Variants in ADGRL2 observed in about 807,000 individuals in gnomAD.
ADGRL2 encodes adhesion G protein-coupled receptor L2.
ADGRL2 carries 44 observed loss-of-function variants against 157.4 expected under a neutral mutation model. The ratio of observed to expected loss-of-function variants is 0.28; its 90% CI spans 0.22 to 0.36. ADGRL2 has a LOEUF of 0.36. Ranked by LOEUF, ADGRL2 falls within the 10% of genes least tolerant of loss-of-function variation. ADGRL2 has a pLI of 1.00. For missense variants in ADGRL2, 1,510 were observed against 1,768.9 expected, an observed-to-expected ratio of 0.85 and a Z score of 2.63; for synonymous variants, 585 against 624.7, an observed-to-expected ratio of 0.94 and a Z score of 0.95.
Position 81,853,958 on chromosome 1 carries a change from C to T in ADGRL2, c.73+16901C>T, listed in dbSNP as rs1250469021. 2.6e-5 allele frequency among the ~76,000 whole-genome samples: 4 copies of T among 152,060 alleles called. No homozygotes were observed. The East Asian group carries it at 5.8e-4, about 22-fold the overall frequency. ...TTTCTTGAAATTTAATAAGTTGGAT[C>T]ACAGAATTATCCTTTAATTCTGTTA... On this transcript the variant is annotated intron_variant, in intron 2 of 23. Coordinates refer to ENST00000686636, the MANE Select transcript of ADGRL2 (RefSeq NM_001366006.2).
intron 1 of ADGRL2, among the ~76,000 whole-genome samples, chr1:81,746,924 G>GTA (rs2085273195): frequency 6.9e-6 from 1 of 143,974 alleles, no homozygotes; most frequent in Non-Finnish European, 1.5e-5. Flanking sequence ...ACGTATATAC[G>GTA]TATATACACA....
intron 2 of ADGRL2, among the ~76,000 whole-genome samples, chr1:81,765,165 G>A (rs61775263): frequency 0.14 from 21,658 of 151,770 alleles, 1,820 homozygotes; most frequent in South Asian, 0.21. Context: ...CCTAAAGAGC[G>A]GGGAGCCAAA....
At chr1:81,537,722 G>A (rs904456168) in intron 2 of ADGRL2, among the ~76,000 whole-genome samples, 4 of 143,546 alleles carry the variant, frequency 2.8e-5, no homozygotes, top group African/African-American at 1.0e-4. Flanking sequence ...TTTTTTAGAT[G>A]GAGTTTCACT....
intron 1 of ADGRL2, among the ~76,000 whole-genome samples, chr1:81,425,023 G>A (rs1157237165): frequency 6.6e-6 from 1 of 152,170 alleles, no homozygotes; most frequent in Non-Finnish European, 1.5e-5. Flanking sequence ...CTAATACTCT[G>A]TTTCTGGGAA....
At chr1:81,669,420 A>G (rs1298184069) in intron 3 of ADGRL2, among the ~76,000 whole-genome samples, 4 of 152,094 alleles carry the variant, frequency 2.6e-5, no homozygotes, top group Admixed American at 6.5e-5. Flanking sequence ...CTCCATCTCT[A>G]AAAACAAAGA....
chr1:81,308,078 A>T (rs1008955817), intron 1 of ADGRL2, among the ~76,000 whole-genome samples: 1 of 152,172 alleles, frequency 6.6e-6, no homozygotes, highest in African/African-American at 2.4e-5. Flanking sequence ...AACCGAAAAA[A>T]AAAAGGTATA....
intron 2 of ADGRL2, among the ~76,000 whole-genome samples, chr1:81,451,858 T>G (rs548792184): frequency 1.3e-5 from 2 of 152,212 alleles, no homozygotes; most frequent in Non-Finnish European, 2.9e-5. Flanking sequence ...AATATATGAA[T>G]ATTACATTAT....
In ADGRL2 at chr1:81,881,798, C is replaced by A. The variant is rs115268061; in HGVS notation, c.74-25219C>A. Among the ~76,000 whole-genome samples, 717 of 152,248 alleles carry A rather than the reference C, an allele frequency of 4.7e-3. 4 individuals carry two copies. The highest frequency in any genetic ancestry group is 6.3e-3 in the Non-Finnish European group (426 of 68,018). ...TCTGTTTCTTTGCTTCCCCTGTAGACCTCAGACTATACAAGGTGAAGACAA... is the reference window on the plus strand; with the variant it reads ...TCTGTTTCTTTGCTTCCCCTGTAGAACTCAGACTATACAAGGTGAAGACAA... On this transcript the variant is annotated intron_variant, in intron 2 of 23. Transcript: ENST00000686636.
chr1:81,674,386 A>ACGCATG (rs1305711742), intron 3 of ADGRL2, among the ~76,000 whole-genome samples: 5 of 152,172 alleles, frequency 3.3e-5, no homozygotes. Context: ...CAGGCATAGC[A>ACGCATG]CGCATGTTGA....
chr1:81,568,127 G>T (rs2080604723), intron 2 of ADGRL2, among the ~76,000 whole-genome samples: 1 of 151,998 alleles, frequency 6.6e-6, no homozygotes. Flanking sequence ...ATAGAAGGCA[G>T]ATTTTCTCTT....
At chr1:81,333,410 A>AATTT (rs1424872537) in intron 1 of ADGRL2, among the ~76,000 whole-genome samples, 1,949 of 149,266 alleles carry the variant, frequency 0.013, 15 homozygotes, top group African/African-American at 0.016. Context: ...TTAATTAATT[A>AATTT]ATTTATTTAT....
At chr1:81,936,657 T>C (rs2095314674) in intron 3 of ADGRL2, 71 bp from the exon 4 acceptor site, 1 of 882,404 alleles carries the variant, frequency 1.1e-6, no homozygotes, top group Admixed American at 2.2e-5. Context: ...GAGAAAAACT[T>C]CTATGTTATA....
chr1:81,320,447 G>A (rs765745508), intron 1 of ADGRL2, among the ~76,000 whole-genome samples: 72 of 152,162 alleles, frequency 4.7e-4, no homozygotes, highest in Non-Finnish European at 9.3e-4. Flanking sequence ...GACTCCCTCA[G>A]AAGAATCTCT....
chr1:81,721,724 C>A, intron 1 of ADGRL2: 1 of 1,407,390 alleles, frequency 7.1e-7, no homozygotes, highest in Non-Finnish European at 9.9e-7. Flanking sequence ...CGAGCAGGCC[C>A]TTGTGAAAAT....
intron 1 of ADGRL2, among the ~76,000 whole-genome samples, chr1:81,309,613 A>T (rs971722502): frequency 3.3e-5 from 5 of 152,170 alleles, no homozygotes; most frequent in Non-Finnish European, 7.4e-5. Flanking sequence ...AACTCTTTTC[A>T]AAGTTCTTCA....
rs1185573836 is a variant in ADGRL2 at position 81,950,416 on chromosome 1, G to C, written c.1438G>C (p.Gly480Arg). ...ATTCTGTGAAGCATTAGACTCCAAGGGGATAAAGTGGCCTCAGACACAAAG... is the reference window on the plus strand; with the variant it reads ...ATTCTGTGAAGCATTAGACTCCAAGCGGATAAAGTGGCCTCAGACACAAAG... Reference protein sequence around the residue: ...ERFCEALDSKGIKWPQTQRGM... With the variant: ...ERFCEALDSKRIKWPQTQRGM... The change falls in exon 7 of 24, where the codon GGG (glycine) becomes CGG (arginine). Residue 480 changes from glycine to arginine, a missense_variant. Physicochemically the swap from Gly to Arg is moderately radical, Grantham distance 125. This residue lies in a region of ADGRL2 where 325 missense variants were observed against 333.2 expected (regional missense o/e 0.98). Coordinates refer to ENST00000686636, the MANE Select transcript of ADGRL2 (RefSeq NM_001366006.2). 2 of 1,613,942 alleles carry C rather than the reference G, an allele frequency of 1.2e-6. No homozygotes were observed. Among genetic ancestry groups the C allele is most frequent in the Admixed American group, 3.3e-5 (2 of 60,000 alleles).
chr1:81,788,247 G>A (rs2087152507), intron 2 of ADGRL2, among the ~76,000 whole-genome samples: 1 of 152,172 alleles, frequency 6.6e-6, no homozygotes, highest in Non-Finnish European at 1.5e-5. Context: ...ATCTCATGTT[G>A]AAATGTAGTC....
chr1:81,307,125 T>G (rs1422674065), intron 1 of ADGRL2, among the ~76,000 whole-genome samples: 1 of 152,204 alleles, frequency 6.6e-6, no homozygotes, highest in African/African-American at 2.4e-5. Context: ...TCCATGTGAT[T>G]ATTTATTGTT....
chr1:81,602,517 G>T (rs1036623131), intron 3 of ADGRL2, among the ~76,000 whole-genome samples: 1 of 151,968 alleles, frequency 6.6e-6, no homozygotes. Context: ...GCTTGAACCC[G>T]GGAAGCAGAG....
Sources: gnomAD v4.1 joint callset for allele counts (sites outside exome capture counted in the v4.1 genomes callset) on GRCh38, gnomAD v4.1.1 for gene constraint, gnomAD v4.1.1 regional missense constraint, MANE v1.5 for transcripts, NCBI Gene and HGNC (gene_info 2026-07-23, HGNC 2026-07-21) for gene names.